Variants in CELF1 observed in about 807,000 individuals in gnomAD.
CELF1 encodes CUGBP Elav-like family member 1.
CELF1 carries 10 observed loss-of-function variants against 61.8 expected under a neutral mutation model. That is an observed-to-expected ratio of 0.16 (90% CI 0.10 to 0.27). The LOEUF (loss-of-function observed/expected upper bound fraction) is 0.27. Among genes scored for constraint, CELF1 ranks in the 10% least tolerant of loss-of-function variants. The probability of loss-of-function intolerance (pLI) is 1.00; values close to 1 mark genes in which losing one functional copy is unlikely to be tolerated. For synonymous variants in CELF1, 236 were observed against 225.1 expected (o/e 1.05, Z -0.43); for missense variants, 380 against 639.1 (o/e 0.59, Z 4.37).
At chr11:47,510,061 CAAAAAAGAAAA>C (rs113933181) in intron 1 of CELF1, among the ~76,000 whole-genome samples, 4 of 148,730 alleles carry the variant, frequency 2.7e-5, no homozygotes, top group African/African-American at 9.9e-5. Flanking sequence ...GATACTGTCT[CAAAAAAGAAAA>C]AAAAAAGTAA....
intron 3 of CELF1, among the ~76,000 whole-genome samples, chr11:47,498,982 G>C (rs1263043482): frequency 1.3e-5 from 2 of 152,150 alleles, no homozygotes; most frequent in African/African-American, 4.8e-5. Flanking sequence ...TGTTAATACA[G>C]AATGTTGTAG....
intron 1 of CELF1, among the ~76,000 whole-genome samples, chr11:47,516,601 C>CA (rs2095566227): frequency 6.9e-6 from 1 of 144,586 alleles, no homozygotes. Context: ...ATAATATTCT[C>CA]TTTTTTTTTT....
chr11:47,509,051 T>C (rs2094818404), intron 1 of CELF1, among the ~76,000 whole-genome samples: 1 of 152,148 alleles, frequency 6.6e-6, no homozygotes, highest in South Asian at 2.1e-4. Context: ...TTATAGGGGG[T>C]GAGCCACCGT....
At chr11:47,515,128 G>A (rs1485946232) in intron 1 of CELF1, among the ~76,000 whole-genome samples, 3 of 152,194 alleles carry the variant, frequency 2.0e-5, no homozygotes, top group Non-Finnish European at 4.4e-5. Context: ...AGCTTTCTCT[G>A]GGCAGAATTA....
intron 7 of CELF1, 43 bp downstream of exon 7, chr11:47,484,346 A>C (rs2085330065): frequency 9.5e-6 from 15 of 1,586,400 alleles, no homozygotes; most frequent in Non-Finnish European, 1.2e-5. Flanking sequence ...AACCAAACCA[A>C]AACAAAAAAC....
At chr11:47,504,426 A>G (rs898381979) in intron 1 of CELF1, among the ~76,000 whole-genome samples, 6 of 152,140 alleles carry the variant, frequency 3.9e-5, no homozygotes, top group African/African-American at 1.4e-4. Flanking sequence ...AAAAATACAA[A>G]AAATAGTGAG....
At chr11:47,504,024 AC>A (rs1489146211) in intron 1 of CELF1, among the ~76,000 whole-genome samples, 19 of 152,022 alleles carry the variant, frequency 1.2e-4, no homozygotes, top group Admixed American at 1.1e-3. Flanking sequence ...AAAATACAAA[AC>A]ATTAGCTGAG....
intron 1 of CELF1, among the ~76,000 whole-genome samples, chr11:47,515,190 A>G (rs1376597242): frequency 6.6e-6 from 1 of 152,218 alleles, no homozygotes; most frequent in African/African-American, 2.4e-5. Flanking sequence ...CAGGCACACC[A>G]GTGTTAAGTA....
intron 1 of CELF1, among the ~76,000 whole-genome samples, chr11:47,549,691 C>T (rs1372704899): frequency 6.6e-6 from 1 of 152,102 alleles, no homozygotes; most frequent in Non-Finnish European, 1.5e-5. Context: ...GAGCTGTTGT[C>T]CAACAGGCAT....
chr11:47,519,776 T>A (rs2095782375), intron 1 of CELF1, among the ~76,000 whole-genome samples: 3 of 150,708 alleles, frequency 2.0e-5, no homozygotes, highest in Non-Finnish European at 2.9e-5. Context: ...GGCAGGAGAA[T>A]GGCATGAACC....
chr11:47,542,505 T>C (rs796662549), intron 1 of CELF1, among the ~76,000 whole-genome samples: 3 of 147,682 alleles, frequency 2.0e-5, no homozygotes, highest in Admixed American at 6.7e-5. Flanking sequence ...CATTTTTTTT[T>C]TTTTTTTTTT....
chr11:47,501,731 G>A (rs1006872648), intron 1 of CELF1, among the ~76,000 whole-genome samples: 1 of 152,124 alleles, frequency 6.6e-6, no homozygotes, highest in African/African-American at 2.4e-5. Flanking sequence ...GCTAAGGCAG[G>A]AGAATAGCTT....
At chr11:47,483,363 A>T in intron 8 of CELF1, 90 bp downstream of exon 8, 1 of 959,704 alleles carries the variant, frequency 1.0e-6, no homozygotes, top group East Asian at 2.4e-5. Flanking sequence ...CTGGGCAATC[A>T]GATGCTGCAC....
intron 1 of CELF1, among the ~76,000 whole-genome samples, chr11:47,541,697 AGAAAGAAAG>A (rs2096782060): frequency 1.6e-5 from 1 of 62,564 alleles, no homozygotes; most frequent in Non-Finnish European, 3.1e-5. Flanking sequence ...AAAGAAAGAA[AGAAAGAAAG>A]AAAGAAAGAA....
At position 47,475,270 on chromosome 11, in the gene CELF1, CTTTCCGTTCT is replaced by C. The variant is rs2079498087; in HGVS notation, c.1273+56_1273+65del. The C allele has an allele frequency of 1.1e-5, 16 of 1,512,576 alleles. No individual in the cohort carries two copies. In the South Asian group the frequency reaches 1.7e-4, roughly 16 times the overall value. The allele number at this position is 1,512,576 out of a possible 1,614,324, so 93.7% of individuals were successfully genotyped here. ...CTGGTTCCCTCAGCCTTTGCTCTGC[CTTTCCGTTCT>C]GGTATAGGAGGAAAACCGCCCCCCA... On this transcript the variant is annotated intron_variant, in intron 13 of 14. Coordinates refer to ENST00000687097, the MANE Select transcript of CELF1 (RefSeq NM_001376376.1).
rs191607992 is a variant in CELF1 at position 47,500,874 on chromosome 11, C to A, written c.-95G>T. 6.5e-5 allele frequency: 26 copies of A among 398,428 alleles called. No homozygotes were observed. The highest frequency in any genetic ancestry group is 1.1e-4 in the Non-Finnish European group (24 of 226,034). 24.7% of individuals were successfully genotyped at this position (398,428 alleles called of 1,614,324 possible). ...GAGTTGCCTTACCTCAAAGATTTCA[C>A]TTCACCCAAGCTCAGTTCACAACAC... On this transcript the variant is annotated 5_prime_UTR_variant, in exon 2 of 15. Transcript: ENST00000687097.
intron 7 of CELF1, among the ~76,000 whole-genome samples, chr11:47,483,888 T>C (rs963381349): frequency 6.6e-6 from 1 of 152,114 alleles, no homozygotes; most frequent in African/African-American, 2.4e-5. Context: ...GTAGACTCCT[T>C]AGAGGGGCTG....
At chr11:47,512,976 G>T (rs930894866) in intron 1 of CELF1, among the ~76,000 whole-genome samples, 1 of 152,158 alleles carries the variant, frequency 6.6e-6, no homozygotes, top group Non-Finnish European at 1.5e-5. Context: ...GAGATTTCCT[G>T]AAAACAAAAT....
intron 9 of CELF1, among the ~76,000 whole-genome samples, chr11:47,481,461 T>C (rs1441956145): frequency 6.6e-6 from 1 of 152,096 alleles, no homozygotes; most frequent in Admixed American, 6.5e-5. Flanking sequence ...ATATTAGAAA[T>C]ATGAAAACCA....
Sources: allele counts gnomAD v4.1 joint callset (sites outside exome capture counted in the v4.1 genomes callset), GRCh38; gene constraint gnomAD v4.1.1; transcripts MANE v1.5; gene names NCBI Gene and HGNC (gene_info 2026-07-23, HGNC 2026-07-21).